The following SGCD variants were observed in gnomAD, a reference collection of about 807,000 sequenced individuals.
The protein encoded by SGCD is delta-sarcoglycan.
A neutral mutation model predicts 36.6 loss-of-function variants in SGCD; 18 were observed. The observed-to-expected ratio is 0.49, with a 90% CI of 0.34 to 0.73. The LOEUF (loss-of-function observed/expected upper bound fraction) is 0.73, where lower values mean the gene tolerates loss of function less well. Among genes scored for constraint, SGCD ranks in the 30% least tolerant of loss-of-function variants. The pLI, the probability that SGCD is intolerant of heterozygous loss-of-function variation, is 0.01. For missense variants in SGCD, 387 were observed against 346.7 expected, an observed-to-expected ratio of 1.12 and a Z score of -0.92; for synonymous variants, 133 against 130.6, an observed-to-expected ratio of 1.02 and a Z score of -0.12.
In SGCD at chr5:156,083,117, C is replaced by CT. The variant is rs550580528; in HGVS notation, c.-281-34753dup. ...TTTGCCCATTCTCTAATTGAATTGT[C>CT]TTTTTTTTAAATTGTTGAGTTGTGA... On this transcript the variant is annotated intron_variant, in intron 1 of 9. Transcript: ENST00000517913. 1.8e-3 allele frequency among the ~76,000 whole-genome samples: 277 copies of CT among 151,628 alleles called. 1 individual carries two copies. Among genetic ancestry groups the CT allele is most frequent in the African/African-American group, 5.9e-3 (246 of 41,346 alleles).
intron 4 of SGCD, among the ~76,000 whole-genome samples, chr5:156,577,015 T>C (rs2113314759): frequency 6.6e-6 from 1 of 152,362 alleles, no homozygotes. Flanking sequence ...TGAATCGTAT[T>C]GCCTAGGTTT....
chr5:156,722,678 T>G (rs1755569447), intron 7 of SGCD, among the ~76,000 whole-genome samples: 1 of 152,234 alleles, frequency 6.6e-6, no homozygotes, highest in Non-Finnish European at 1.5e-5. Flanking sequence ...ATCCAATGCT[T>G]CTTCCAGTTC....
the SGCD span, among the ~76,000 whole-genome samples, chr5:155,841,488 C>T: frequency 3.3e-5 from 5 of 152,210 alleles, no homozygotes; most frequent in East Asian, 9.6e-4. Context: ...GAGCAATGTT[C>T]ACATCTTTTC....
At chr5:156,102,488 G>A (rs950134693) in intron 1 of SGCD, among the ~76,000 whole-genome samples, 4 of 151,878 alleles carry the variant, frequency 2.6e-5, no homozygotes, top group African/African-American at 7.3e-5. Flanking sequence ...TTCCTTATTC[G>A]AAATGTCTGT....
intron 5 of SGCD, among the ~76,000 whole-genome samples, chr5:156,590,650 T>C (rs1760690240): frequency 6.6e-6 from 1 of 152,190 alleles, no homozygotes; most frequent in South Asian, 2.1e-4. Context: ...CATTTATTTG[T>C]AGTGGGAGAT....
intron 1 of SGCD, among the ~76,000 whole-genome samples, chr5:156,068,525 T>A (rs1448334741): frequency 6.6e-6 from 1 of 152,042 alleles, no homozygotes; most frequent in East Asian, 1.9e-4. Flanking sequence ...TCTATCATTG[T>A]TGGACATTTG....
At chr5:156,524,009 G>GA (rs149290391) in intron 4 of SGCD, among the ~76,000 whole-genome samples, 3,970 of 135,950 alleles carry the variant, frequency 0.029, 227 homozygotes, top group African/African-American at 0.1. Context: ...TAACATTGGT[G>GA]AAAAAAAAAA....
chr5:156,226,814 G>A (rs1432324487), intron 3 of SGCD, among the ~76,000 whole-genome samples: 1 of 152,016 alleles, frequency 6.6e-6, no homozygotes, highest in Non-Finnish European at 1.5e-5. Flanking sequence ...GTATTGCACT[G>A]TGGTTTTGAT....
Position 156,687,553 on chromosome 5 carries a change from G to A in SGCD, c.575+40017G>A, listed in dbSNP as rs202000934. Among the ~76,000 whole-genome samples, 7 of 152,232 alleles carry A rather than the reference G, an allele frequency of 4.6e-5. No homozygotes were observed. The East Asian group carries it at 1.4e-3, about 29-fold the overall frequency. ...ACTCTCTTTCCTCAACTTTGAATGG[G>A]CCCAAAATGTTACTGTTATCAAAGC... On this transcript the variant is annotated intron_variant, in intron 7 of 8. Coordinates refer to ENST00000337851, the MANE Select transcript of SGCD (RefSeq NM_000337.6).
intron 4 of SGCD, among the ~76,000 whole-genome samples, chr5:156,551,654 A>G (rs1160927642): frequency 6.6e-6 from 1 of 152,212 alleles, no homozygotes; most frequent in African/African-American, 2.4e-5. Flanking sequence ...AAGGCAAAGG[A>G]AGAAAGAAAC....
chr5:156,576,579 A>G (rs1411416240), intron 4 of SGCD, among the ~76,000 whole-genome samples: 3 of 152,180 alleles, frequency 2.0e-5, no homozygotes, highest in Admixed American at 6.5e-5. Context: ...CATCCTCTCC[A>G]GCACTTGTTG....
intron 3 of SGCD, among the ~76,000 whole-genome samples, chr5:156,405,999 A>G: frequency 8.3e-6 from 1 of 120,842 alleles, no homozygotes; most frequent in East Asian, 2.4e-4. Context: ...CACCTGCTGT[A>G]TTTGGCCCTA....
At chr5:156,151,739 C>A (rs2127615084) in intron 3 of SGCD, among the ~76,000 whole-genome samples, 1 of 151,658 alleles carries the variant, frequency 6.6e-6, no homozygotes, top group South Asian at 2.1e-4. Context: ...CTAATTTTTG[C>A]AGGAAGGAGT....
the SGCD span, among the ~76,000 whole-genome samples, chr5:155,779,865 T>G: frequency 6.6e-6 from 1 of 152,166 alleles, no homozygotes; most frequent in South Asian, 2.1e-4. Context: ...GATATCATAT[T>G]TTAATTTTTT....
chr5:156,250,434 C>T (rs1472149984), intron 3 of SGCD, among the ~76,000 whole-genome samples: 1 of 151,962 alleles, frequency 6.6e-6, no homozygotes, highest in Non-Finnish European at 1.5e-5. Context: ...TTTGCTTTAC[C>T]CAGTATAATT....
intron 7 of SGCD, among the ~76,000 whole-genome samples, chr5:156,696,942 AC>A (rs1754343068): frequency 6.9e-6 from 1 of 145,800 alleles, no homozygotes; most frequent in Non-Finnish European, 1.6e-5. Flanking sequence ...ACACACACAC[AC>A]ACACACACAC....
At chr5:156,692,577 A>G (rs895183914) in intron 7 of SGCD, among the ~76,000 whole-genome samples, 1 of 152,240 alleles carries the variant, frequency 6.6e-6, no homozygotes, top group African/African-American at 2.4e-5. Context: ...ATCAACTCAC[A>G]GCCAATTGTT....
chr5:155,755,509 C>T, the SGCD span, among the ~76,000 whole-genome samples: 34 of 152,266 alleles, frequency 2.2e-4, no homozygotes, highest in African/African-American at 7.2e-4. Flanking sequence ...CAGAATATTA[C>T]CCAGCATGTT....
chr5:156,229,750 T>C (rs1764966206), intron 3 of SGCD, among the ~76,000 whole-genome samples: 1 of 152,130 alleles, frequency 6.6e-6, no homozygotes, highest in African/African-American at 2.4e-5. Context: ...TTCCCCCAAA[T>C]ATATTTTCCA....
Sources: allele counts gnomAD v4.1 joint callset (sites outside exome capture counted in the v4.1 genomes callset), GRCh38; gene constraint gnomAD v4.1.1; transcripts MANE v1.5; gene names NCBI Gene and HGNC (gene_info 2026-07-23, HGNC 2026-07-21).